The following SEMA3E variants were observed in gnomAD, a reference collection of about 807,000 sequenced individuals.
SEMA3E encodes semaphorin 3E, also known as semaphorin-3E.
SEMA3E carries 49 observed loss-of-function variants against 93.6 expected under a neutral mutation model. The observed-to-expected ratio is 0.52, with a 90% CI of 0.42 to 0.66. The LOEUF is 0.66. Ranked by LOEUF, SEMA3E falls within the 30% of genes least tolerant of loss-of-function variation. The pLI, the probability that SEMA3E is intolerant of heterozygous loss-of-function variation, is 0.00. For missense variants in SEMA3E, 906 were observed against 964.8 expected (o/e 0.94, Z 0.81); for synonymous variants, 363 against 330.7 (o/e 1.10, Z -1.06).
chr7:83,515,259 G>T (rs1029898330), intron 1 of SEMA3E, among the ~76,000 whole-genome samples: 2 of 145,932 alleles, frequency 1.4e-5, no homozygotes, highest in African/African-American at 5.1e-5. Context: ...ACTTTGTGTA[G>T]CACTTTTTAA....
At chr7:83,556,877 C>G (rs1791906851) in intron 1 of SEMA3E, among the ~76,000 whole-genome samples, 1 of 152,064 alleles carries the variant, frequency 6.6e-6, no homozygotes, top group African/African-American at 2.4e-5. Flanking sequence ...CCTTTCTGGC[C>G]CTTTTACCTT....
intron 1 of SEMA3E, among the ~76,000 whole-genome samples, chr7:83,548,994 A>G (rs1168929265): frequency 1.3e-5 from 2 of 152,114 alleles, no homozygotes. Flanking sequence ...CATATGCTCC[A>G]AAGACAAAGA....
intron 1 of SEMA3E, among the ~76,000 whole-genome samples, chr7:83,495,862 C>T (rs1387601493): frequency 2.6e-5 from 4 of 151,844 alleles, no homozygotes; most frequent in Admixed American, 6.6e-5. Context: ...CACAAATTTT[C>T]TCCAGTGAAC....
chr7:83,434,926 G>A (rs940167167), intron 4 of SEMA3E, among the ~76,000 whole-genome samples: 18 of 151,582 alleles, frequency 1.2e-4, no homozygotes, highest in African/African-American at 3.9e-4. Context: ...TTTTAGCCGG[G>A]ATGGTCTCGA....
chr7:83,416,575 A>G (rs1221594871), intron 5 of SEMA3E, among the ~76,000 whole-genome samples: 1 of 152,080 alleles, frequency 6.6e-6, no homozygotes, highest in Admixed American at 6.6e-5. Flanking sequence ...TATACTGTGT[A>G]ATTTTTAATT....
At chr7:83,490,589 G>T (rs760874658) in intron 1 of SEMA3E, among the ~76,000 whole-genome samples, 1 of 151,926 alleles carries the variant, frequency 6.6e-6, no homozygotes, top group African/African-American at 2.4e-5. Context: ...AATGTATAAT[G>T]GTTCCAAATC....
intron 1 of SEMA3E, among the ~76,000 whole-genome samples, chr7:83,599,844 T>G (rs2115976926): frequency 6.6e-6 from 1 of 152,288 alleles, no homozygotes; most frequent in Non-Finnish European, 1.5e-5. Flanking sequence ...TTCAAAACAA[T>G]AAATAGTACA....
chr7:83,460,993 A>T (rs1028623959), intron 4 of SEMA3E, among the ~76,000 whole-genome samples: 3 of 151,602 alleles, frequency 2.0e-5, no homozygotes, highest in Non-Finnish European at 4.4e-5. Context: ...AAGCTCTTCA[A>T]CTCACACCTG....
At chr7:83,400,362 G>T in intron 10 of SEMA3E, 112 bp from the exon 11 acceptor site, 1 of 966,106 alleles carries the variant, frequency 1.0e-6, no homozygotes. Flanking sequence ...AGTCAATTGT[G>T]CATTTAGAAA....
intron 1 of SEMA3E, among the ~76,000 whole-genome samples, chr7:83,594,402 C>G (rs901497987): frequency 6.6e-6 from 1 of 152,058 alleles, no homozygotes; most frequent in Admixed American, 6.6e-5. Flanking sequence ...TGTAAACAAA[C>G]GAACCATTTC....
chr7:83,603,099 G>A (rs1054188405), intron 1 of SEMA3E, among the ~76,000 whole-genome samples: 5 of 152,020 alleles, frequency 3.3e-5, no homozygotes, highest in Admixed American at 1.3e-4. Context: ...AGGTTTCTTC[G>A]ATAAGACTCC....
chr7:83,574,342 A>G (rs1183898191), intron 1 of SEMA3E, among the ~76,000 whole-genome samples: 1 of 152,136 alleles, frequency 6.6e-6, no homozygotes, highest in Non-Finnish European at 1.5e-5. Flanking sequence ...AGAAAATGAT[A>G]TGGCATAGAG....
intron 14 of SEMA3E, among the ~76,000 whole-genome samples, chr7:83,390,119 G>A (rs1584213224): frequency 2.5e-5 from 2 of 79,738 alleles, no homozygotes; most frequent in East Asian, 8.5e-4. Context: ...ACATATATGC[G>A]CGTATACGTG....
chr7:83,581,187 C>T (rs186495458), intron 1 of SEMA3E, among the ~76,000 whole-genome samples: 1 of 152,028 alleles, frequency 6.6e-6, no homozygotes, highest in East Asian at 1.9e-4. Context: ...AGCTAATATC[C>T]TTAACTCCTC....
chr7:83,458,973 G>GTGTA (rs57694179), intron 4 of SEMA3E, among the ~76,000 whole-genome samples: 3,452 of 140,550 alleles, frequency 0.025, 83 homozygotes, highest in African/African-American at 0.052. Flanking sequence ...GTGTGTGTGT[G>GTGTA]TATATATATA....
In SEMA3E at chr7:83,367,677, G is replaced by A; in HGVS notation, c.2237C>T (p.Pro746Leu). 1 of 1,614,038 alleles carries A rather than the reference G, an allele frequency of 6.2e-7. No individual in the cohort carries two copies. The highest frequency in any genetic ancestry group is 8.5e-7 in the Non-Finnish European group (1 of 1,179,992). Residue 746 changes from proline (P) to leucine (L), a missense_variant, in exon 17 of 17, where the codon CCC (proline) becomes CTC (leucine). Pro to Leu is a moderately conservative substitution (Grantham distance 98). Transcript: ENST00000643230. ...AGGGTTGGCATACTTCCACTTGGAG[G>A]GTGACATTTTAAGCTTTTTCCTCTT... ...DRKRKKLKMSPSKWKYANPQE... is the reference protein window; with the variant it reads ...DRKRKKLKMSLSKWKYANPQE...
In SEMA3E at chr7:83,551,736, G is replaced by T. The variant is rs530061995; in HGVS notation, c.116-61462C>A. ...AAATATGATCAATAATAATCTTGGA[G>T]CAGACTTTCCCAGGCTCAACACTAT... On this transcript the variant is annotated intron_variant, in intron 1 of 16. Transcript: ENST00000643230. 3.3e-5 allele frequency among the ~76,000 whole-genome samples: 5 copies of T among 152,196 alleles called. No individual in the cohort carries two copies. In the East Asian group the frequency reaches 9.7e-4, roughly 29 times the overall value.
At chr7:83,504,221 G>T (rs939940578) in intron 1 of SEMA3E, among the ~76,000 whole-genome samples, 3 of 152,080 alleles carry the variant, frequency 2.0e-5, no homozygotes, top group African/African-American at 4.8e-5. Flanking sequence ...TAAAATGATA[G>T]AATAATAACT....
intron 5 of SEMA3E, among the ~76,000 whole-genome samples, chr7:83,409,656 A>T (rs1788401876): frequency 6.6e-6 from 1 of 152,000 alleles, no homozygotes; most frequent in Admixed American, 6.6e-5. Flanking sequence ...TAATATATCT[A>T]ATTATGTAAT....
Sources: allele counts gnomAD v4.1 joint callset (sites outside exome capture counted in the v4.1 genomes callset), GRCh38; gene constraint gnomAD v4.1.1; transcripts MANE v1.5; gene names NCBI Gene and HGNC (gene_info 2026-07-23, HGNC 2026-07-21).